The following RPS6KA2 variants were observed in gnomAD, a reference collection of about 807,000 sequenced individuals.
The protein encoded by RPS6KA2 is ribosomal protein S6 kinase alpha-2.
RPS6KA2 carries 42 observed loss-of-function variants against 91.8 expected under a neutral mutation model. The observed-to-expected ratio is 0.46, with a 90% CI of 0.36 to 0.59. The LOEUF (loss-of-function observed/expected upper bound fraction) is 0.59. Among genes scored for constraint, RPS6KA2 ranks in the 20% least tolerant of loss-of-function variants. The probability of loss-of-function intolerance (pLI) is 0.00; values close to 1 mark genes in which losing one functional copy is unlikely to be tolerated. For missense variants in RPS6KA2, 798 were observed against 978.5 expected (o/e 0.82, Z 2.46); for synonymous variants, 414 against 393.6 (o/e 1.05, Z -0.61).
rs10616497 is a variant in RPS6KA2, at chr6:166,526,341, C to CTTTT, written c.298+4887_298+4890dup. Among the ~76,000 whole-genome samples the CTTTT allele has an allele frequency of 6.2e-4, 63 of 101,868 alleles. 1 individual carries two copies. Among genetic ancestry groups the CTTTT allele is most frequent in the East Asian group, 1.6e-3 (5 of 3,066 alleles). The allele number at this position is 101,868 out of a possible 152,430, so 66.8% of individuals were successfully genotyped here. A position where few individuals can be genotyped will look rare whatever the true frequency, so the allele number is the denominator to read the frequency against. On this transcript the variant is annotated intron_variant, in intron 3 of 20. Transcript: ENST00000265678. ...TTTCTATTCTTCTATGTTTATATGGCTTTTTTTTTTTTTTTTTTTTTTTGG... is the reference window on the plus strand; with the variant it reads ...TTTCTATTCTTCTATGTTTATATGGCTTTTTTTTTTTTTTTTTTTTTTTTTTTGG...
intron 3 of RPS6KA2, among the ~76,000 whole-genome samples, chr6:166,512,673 A>G (rs1487801587): frequency 2.0e-5 from 3 of 152,080 alleles, no homozygotes. Context: ...TGGCCCTGCA[A>G]CCCAGCTCAC....
At chr6:166,417,652 C>T (rs566457163) in intron 19 of RPS6KA2, among the ~76,000 whole-genome samples, 475 of 151,524 alleles carry the variant, frequency 3.1e-3, no homozygotes, top group Non-Finnish European at 4.5e-3. Context: ...CACACACACA[C>T]GCACGCATGT....
At chr6:166,583,549 G>C (rs945589670) in intron 1 of RPS6KA2, among the ~76,000 whole-genome samples, 1 of 152,178 alleles carries the variant, frequency 6.6e-6, no homozygotes, top group Non-Finnish European at 1.5e-5. Flanking sequence ...TCTACACCAG[G>C]GTTCCCCACC....
rs1342813553 is a variant in RPS6KA2 at position 166,841,942 on chromosome 6, G to A, written c.123+16258C>T. 4.6e-5 allele frequency among the ~76,000 whole-genome samples: 7 copies of A among 152,112 alleles called. No individual in the cohort carries two copies. The East Asian group carries it at 5.8e-4, about 13-fold the overall frequency. Reference sequence around the variant, plus strand: ...CCTCAGGTCTTCCCTAAGGGTCACCGTGATTCTGGTGCCCTTGGACAAGCC... The same window carrying A: ...CCTCAGGTCTTCCCTAAGGGTCACCATGATTCTGGTGCCCTTGGACAAGCC... On this transcript the variant is annotated intron_variant, in intron 2 of 21. Coordinates refer to the RPS6KA2 transcript ENST00000503859.
At chr6:166,540,249 G>A (rs549451410) in intron 1 of RPS6KA2, among the ~76,000 whole-genome samples, 227 of 152,260 alleles carry the variant, frequency 1.5e-3, no homozygotes, top group Non-Finnish European at 2.2e-3. Flanking sequence ...TTCTCAAAAC[G>A]GTTACTTATA....
chr6:166,748,096 A>G (rs1791079012), intron 2 of RPS6KA2, among the ~76,000 whole-genome samples: 1 of 152,196 alleles, frequency 6.6e-6, no homozygotes, highest in Non-Finnish European at 1.5e-5. Flanking sequence ...AGGGTGAACG[A>G]GACTTATCCT....
rs1417011216 is a variant in RPS6KA2, at chr6:166,493,141, C to G, written c.748-2400G>C. On this transcript the variant is annotated intron_variant, in intron 8 of 20. Coordinates refer to ENST00000265678, the MANE Select transcript of RPS6KA2 (RefSeq NM_021135.6). The surrounding 1 kb of genome is among the most constrained non-coding windows in gnomAD (Gnocchi z 4.7). ...TCCTCCATCCATATGGTAGGAGGTC[C>G]CCAACCATCTACTCAGCCAGAGAAC... Among the ~76,000 whole-genome samples the G allele has an allele frequency of 6.6e-6, 1 of 152,046 alleles. No homozygotes were observed. Among genetic ancestry groups the G allele is most frequent in the Non-Finnish European group, 1.5e-5 (1 of 68,014 alleles).
chr6:166,513,403 CCTT>C (rs568603829), intron 3 of RPS6KA2, among the ~76,000 whole-genome samples: 129 of 152,322 alleles, frequency 8.5e-4, no homozygotes, highest in Non-Finnish European at 1.6e-3. Flanking sequence ...CACAGGAGGT[CCTT>C]CTTCTGCCTC....
intron 2 of RPS6KA2, among the ~76,000 whole-genome samples, chr6:166,744,141 C>T (rs189418909): frequency 1.2e-3 from 188 of 152,320 alleles, no homozygotes; most frequent in Admixed American, 0.011. Context: ...CTAGTGTGGT[C>T]ACTCCCTTCC....
intron 3 of RPS6KA2, among the ~76,000 whole-genome samples, chr6:166,527,479 A>G (rs978435146): frequency 5.3e-5 from 8 of 152,204 alleles, no homozygotes; most frequent in African/African-American, 1.7e-4. Context: ...GCAAATCTCA[A>G]TGCCTCGAGG....
intron 2 of RPS6KA2, among the ~76,000 whole-genome samples, chr6:166,727,066 C>T (rs549564344): frequency 7.9e-5 from 12 of 152,210 alleles, no homozygotes; most frequent in African/African-American, 2.7e-4. Flanking sequence ...TGTTCGTTCA[C>T]CAGGACCACA....
At chr6:166,859,211 G>A (rs1431842912) in intron 1 of RPS6KA2, among the ~76,000 whole-genome samples, 8 of 152,160 alleles carry the variant, frequency 5.3e-5, no homozygotes, top group African/African-American at 1.4e-4. Flanking sequence ...GTTTAAAAAC[G>A]GAGCTTTCTC....
intron 2 of RPS6KA2, among the ~76,000 whole-genome samples, chr6:166,745,301 G>A (rs1227574737): frequency 6.6e-6 from 1 of 152,072 alleles, no homozygotes; most frequent in Non-Finnish European, 1.5e-5. Context: ...TCAGGTGTGT[G>A]CCACCATGCC....
At chr6:166,514,972 C>G (rs770572875) in intron 3 of RPS6KA2, among the ~76,000 whole-genome samples, 5 of 152,272 alleles carry the variant, frequency 3.3e-5, no homozygotes, top group Non-Finnish European at 7.4e-5. Context: ...CAGGAAAAGA[C>G]TTGGTTTGGA....
At chr6:166,550,562 C>T (rs567136282) in intron 1 of RPS6KA2, among the ~76,000 whole-genome samples, 25 of 152,262 alleles carry the variant, frequency 1.6e-4, no homozygotes, top group South Asian at 4.2e-4. Context: ...CGAACATGGA[C>T]GCCTGCAATA....
At chr6:166,777,267 G>GCCTT (rs1778646922) in intron 2 of RPS6KA2, among the ~76,000 whole-genome samples, 1 of 152,206 alleles carries the variant, frequency 6.6e-6, no homozygotes, top group East Asian at 1.9e-4. Context: ...AATTAAAAAT[G>GCCTT]CCAGGCCTGT....
chr6:166,475,578 A>G, intron 10 of RPS6KA2: 1 of 280,684 alleles, frequency 3.6e-6, no homozygotes, highest in Admixed American at 4.2e-5. Context: ...CCCCACTCAA[A>G]TAGATCAGTG....
chr6:166,413,955 C>T (rs558948192), intron 19 of RPS6KA2, 24 bp from the exon 20 acceptor site: 15 of 1,607,902 alleles, frequency 9.3e-6, no homozygotes, highest in African/African-American at 8.0e-5. Context: ...TCATGAGAGT[C>T]GGGGGGATGG....
intron 2 of RPS6KA2, among the ~76,000 whole-genome samples, chr6:166,706,783 A>T (rs942055019): frequency 1.3e-5 from 2 of 152,234 alleles, no homozygotes; most frequent in Admixed American, 6.5e-5. Context: ...TGTGTATCTT[A>T]AAGGATACAT....
Sources: gnomAD v4.1 joint callset for allele counts (sites outside exome capture counted in the v4.1 genomes callset) on GRCh38, gnomAD v4.1.1 for gene constraint, Gnocchi (gnomAD v3.1) non-coding constraint, MANE v1.5 for transcripts, NCBI Gene and HGNC (gene_info 2026-07-23, HGNC 2026-07-21) for gene names.